The following P2RX7 variants were observed in gnomAD, a reference collection of about 807,000 sequenced individuals.
P2RX7 encodes the protein purinergic receptor P2X 7, also known as P2X purinoceptor 7.
Under a neutral mutation model 71.6 loss-of-function variants are expected in P2RX7, and 62 were observed. That is an observed-to-expected ratio of 0.87 (90% confidence interval 0.71 to 1.07). P2RX7 has a LOEUF of 1.07. Among genes scored for constraint, P2RX7 ranks in the 50% least tolerant of loss-of-function variants. The pLI, the probability that P2RX7 is intolerant of heterozygous loss-of-function variation, is 0.00. For synonymous variants in P2RX7, 299 were observed against 283.3 expected, an observed-to-expected ratio of 1.06 and a Z score of -0.56; for missense variants, 686 against 748.5, an observed-to-expected ratio of 0.92 and a Z score of 0.97.
intron 3 of P2RX7, among the ~76,000 whole-genome samples, chr12:121,159,368 G>T (rs1292183188): frequency 7.8e-6 from 1 of 127,682 alleles, no homozygotes; most frequent in Non-Finnish European, 1.5e-5. Flanking sequence ...AGTGAGCCAA[G>T]ATCACACCAT....
intron 3 of P2RX7, among the ~76,000 whole-genome samples, chr12:121,159,279 T>C (rs1017033862): frequency 3.3e-5 from 5 of 151,952 alleles, no homozygotes; most frequent in African/African-American, 9.7e-5. Context: ...TAGCCAGGCA[T>C]GGTGGTGCGT....
At chr12:121,162,651 T>C (rs1593078903) in intron 5 of P2RX7, 131 bp downstream of exon 5, 3 of 1,008,386 alleles carry the variant, frequency 3.0e-6, no homozygotes, top group Non-Finnish European at 4.3e-6. Flanking sequence ...TGGGGACCCC[T>C]GCGCTCTGGA....
chr12:121,161,085 C>T (rs1460915918), intron 4 of P2RX7, 111 bp downstream of exon 4: 4 of 827,792 alleles, frequency 4.8e-6, no homozygotes, highest in South Asian at 2.7e-5. Flanking sequence ...TGCCCTCTTC[C>T]ACCATCACCA....
At chr12:121,163,009 T>C (rs1274809384) in intron 5 of P2RX7, among the ~76,000 whole-genome samples, 1 of 152,138 alleles carries the variant, frequency 6.6e-6, no homozygotes, top group East Asian at 1.9e-4. Flanking sequence ...GATTAAATGC[T>C]TACAATGACA....
intron 12 of P2RX7, among the ~76,000 whole-genome samples, chr12:121,181,450 T>C (rs986261331): frequency 6.6e-6 from 1 of 152,166 alleles, no homozygotes; most frequent in African/African-American, 2.4e-5. Flanking sequence ...TAGGAGATAC[T>C]AACAAACGGT....
At chr12:121,176,642 C>T (rs924256918) in intron 9 of P2RX7, among the ~76,000 whole-genome samples, 1 of 150,178 alleles carries the variant, frequency 6.7e-6, no homozygotes, top group Non-Finnish European at 1.5e-5. Flanking sequence ...ATCCCAGCTA[C>T]TTGGGAGGCT....
At chr12:121,174,043 CTTTTCTTTT>C (rs1440884658) in intron 8 of P2RX7, among the ~76,000 whole-genome samples, 1 of 121,266 alleles carries the variant, frequency 8.2e-6, no homozygotes, top group Non-Finnish European at 1.7e-5. Flanking sequence ...TTTTTCTTTT[CTTTTCTTTT>C]TTTTTTTTTT....
At position 121,162,451 on chromosome 12, in the gene P2RX7, A is replaced by G. The variant is rs531391976; in HGVS notation, c.464A>G (p.Tyr155Cys). 1.9e-6 allele frequency: 3 copies of G among 1,613,952 alleles called. No homozygotes were observed. Among genetic ancestry groups the G allele is most frequent in the Non-Finnish European group, 2.5e-6 (3 of 1,179,966 alleles). Residue 155 changes from tyrosine to cysteine, a missense_variant, in exon 5 of 13, where the codon TAT becomes TGT. Tyr to Cys is a radical substitution (Grantham distance 194). Coordinates refer to ENST00000328963, the MANE Select transcript of P2RX7 (RefSeq NM_002562.6). ...KGIQTGRCVV[Y>C]EGNQKTCEVS... ...ATTCAGACCGGAAGGTGTGTAGTGT[A>G]TGAAGGGAACCAGAAGACCTGTGAA...
At chr12:121,133,184 T>C (rs1872785238) in intron 1 of P2RX7, 89 bp downstream of exon 1, 3 of 1,453,568 alleles carry the variant, frequency 2.1e-6, no homozygotes, top group Admixed American at 1.7e-5. Context: ...ACATTCTGAA[T>C]CTCACATGGT....
chr12:121,136,003 C>CAAAA (rs1191508376), intron 1 of P2RX7, among the ~76,000 whole-genome samples: 3 of 12,832 alleles, frequency 2.3e-4, no homozygotes, highest in African/African-American at 3.1e-4. Flanking sequence ...GACTCTGTCT[C>CAAAA]AAAAAAAAAA....
At chr12:121,151,592 T>C (rs888263304) in intron 1 of P2RX7, among the ~76,000 whole-genome samples, 1 of 151,040 alleles carries the variant, frequency 6.6e-6, no homozygotes, top group South Asian at 2.1e-4. Context: ...CATATATGTC[T>C]ACATATATAA....
At chr12:121,165,541 G>T in intron 6 of P2RX7, 104 bp downstream of exon 6, 2 of 879,738 alleles carry the variant, frequency 2.3e-6, no homozygotes, top group African/African-American at 1.7e-5. Context: ...GTCTCCCACG[G>T]TTTCTGTGGG....
At chr12:121,136,468 G>A (rs1592988120) in intron 1 of P2RX7, among the ~76,000 whole-genome samples, 1 of 150,644 alleles carries the variant, frequency 6.6e-6, no homozygotes, top group Non-Finnish European at 1.5e-5. Context: ...ATAGGCACAC[G>A]CCATGATGTC....
chr12:121,153,701 C>T (rs1258816280), intron 1 of P2RX7, among the ~76,000 whole-genome samples: 1 of 151,772 alleles, frequency 6.6e-6, no homozygotes, highest in African/African-American at 2.4e-5. Flanking sequence ...AAAACAAACC[C>T]TTTAGGCTGG....
At chr12:121,155,383 T>C in intron 2 of P2RX7, 4 of 1,292,520 alleles carry the variant, frequency 3.1e-6, no homozygotes, top group Non-Finnish European at 4.0e-6. Context: ...GGGTACATTT[T>C]TCCACAAAGA....
At chr12:121,137,342 G>T (rs1438973357) in intron 1 of P2RX7, among the ~76,000 whole-genome samples, 2 of 152,156 alleles carry the variant, frequency 1.3e-5, no homozygotes, top group Admixed American at 6.5e-5. Context: ...TGTAAAAACA[G>T]CAACTTGTTC....
intron 3 of P2RX7, among the ~76,000 whole-genome samples, chr12:121,158,734 A>T (rs144036081): frequency 0.01 from 1,408 of 135,676 alleles, 13 homozygotes; most frequent in African/African-American, 0.03. Context: ...GCTGTTTTTT[A>T]AAAAAAAAAT....
intron 1 of P2RX7, among the ~76,000 whole-genome samples, chr12:121,135,112 G>A (rs554696230): frequency 5.3e-5 from 8 of 152,048 alleles, no homozygotes; most frequent in East Asian, 3.9e-4. Flanking sequence ...AGGCCAAGGC[G>A]GGTGGATCAC....
chr12:121,156,152 G>A lies in P2RX7; in HGVS notation c.363+5G>A. ...GAGCAGCGGTTGTGTCCCGAGGTAA[G>A]GAGGGGACCTGGAGTGGTGGGTCAG... On this transcript the variant is annotated splice_donor_5th_base_variant and intron_variant, in intron 3 of 12. Coordinates refer to ENST00000328963, the MANE Select transcript of P2RX7 (RefSeq NM_002562.6). 1 of 1,613,418 alleles carries A rather than the reference G, an allele frequency of 6.2e-7. No homozygotes were observed. Among genetic ancestry groups the A allele is most frequent in the South Asian group, 1.1e-5 (1 of 91,074 alleles).
Sources: allele counts gnomAD v4.1 joint callset (sites outside exome capture counted in the v4.1 genomes callset), GRCh38; gene constraint gnomAD v4.1.1; transcripts MANE v1.5; gene names NCBI Gene and HGNC (gene_info 2026-07-23, HGNC 2026-07-21).